Variants in ALK observed in about 807,000 individuals in gnomAD.
ALK encodes the protein ALK receptor tyrosine kinase.
ALK carries 74 observed loss-of-function variants against 163.1 expected under a neutral mutation model. That is an observed-to-expected ratio of 0.45 (90% CI 0.38 to 0.55). The LOEUF (loss-of-function observed/expected upper bound fraction) is 0.55, where lower values mean the gene tolerates loss of function less well. Among genes scored for constraint, ALK ranks in the 20% least tolerant of loss-of-function variants. ALK has a pLI of 0.00. For missense variants in ALK, 2,063 were observed against 2,105.3 expected (o/e 0.98, Z 0.39); for synonymous variants, 960 against 843.2 (o/e 1.14, Z -2.40).
intron 5 of ALK, among the ~76,000 whole-genome samples, chr2:29,348,821 A>G (rs1434795616): frequency 6.6e-6 from 1 of 152,166 alleles, no homozygotes; most frequent in Non-Finnish European, 1.5e-5. Flanking sequence ...TCCTAATTCA[A>G]TGCTCTATTA....
At position 29,322,929 on chromosome 2, in the gene ALK, G is replaced by A. The variant is rs189471761; in HGVS notation, c.1415-2047C>T. 3.3e-5 allele frequency among the ~76,000 whole-genome samples: 5 copies of A among 152,322 alleles called. No homozygotes were observed. The East Asian group carries it at 9.7e-4, about 29-fold the overall frequency. ...GATTCCTGGAGGAAGGAGGAGGCCGGCCTGAGGTGGGAGATGCACAGTACG... is the reference window on the plus strand; with the variant it reads ...GATTCCTGGAGGAAGGAGGAGGCCGACCTGAGGTGGGAGATGCACAGTACG... On this transcript the variant is annotated intron_variant, in intron 6 of 28. Transcript: ENST00000389048.
Position 29,410,107 on chromosome 2 carries a change from A to AT in ALK, c.1155-26249dup, listed in dbSNP as rs1165606418. Among the ~76,000 whole-genome samples the AT allele has an allele frequency of 3.9e-5, 6 of 152,108 alleles. No individual in the cohort carries two copies. In the East Asian group the frequency reaches 7.7e-4, roughly 20 times the overall value. ...CATCCAAGAGCTGCATCTTTAGGTGATTTTGTCGTCATGGGAACCTCATAG... is the reference window on the plus strand; with the variant it reads ...CATCCAAGAGCTGCATCTTTAGGTGATTTTTGTCGTCATGGGAACCTCATAG... On this transcript the variant is annotated intron_variant, in intron 4 of 28. Coordinates refer to ENST00000389048, the MANE Select transcript of ALK (RefSeq NM_004304.5).
At chr2:29,826,536 C>A (rs1665206690) in intron 1 of ALK, among the ~76,000 whole-genome samples, 1 of 151,994 alleles carries the variant, frequency 6.6e-6, no homozygotes, top group Non-Finnish European at 1.5e-5. Flanking sequence ...TTCACATACT[C>A]AGTCAGTCTT....
intron 1 of ALK, among the ~76,000 whole-genome samples, chr2:29,767,477 G>T (rs1374254024): frequency 6.6e-6 from 1 of 152,188 alleles, no homozygotes. Context: ...CAGGATGGCT[G>T]GTCATCCTAT....
At chr2:29,632,581 C>A (rs1676409028) in intron 3 of ALK, among the ~76,000 whole-genome samples, 2 of 152,178 alleles carry the variant, frequency 1.3e-5, no homozygotes, top group African/African-American at 4.8e-5. Context: ...CCCCATTCCC[C>A]ACCATGTGAA....
chr2:29,262,300 G>C (rs1665108208), intron 11 of ALK, among the ~76,000 whole-genome samples: 1 of 152,202 alleles, frequency 6.6e-6, no homozygotes. Flanking sequence ...TGTTCTTCCA[G>C]CTTGTTTCTC....
At chr2:29,895,887 G>T (rs1667255586) in intron 1 of ALK, among the ~76,000 whole-genome samples, 1 of 152,112 alleles carries the variant, frequency 6.6e-6, no homozygotes, top group Non-Finnish European at 1.5e-5. Context: ...GAAGAAAGAG[G>T]GTAGGCTACA....
chr2:29,915,345 T>C (rs1383450652), intron 1 of ALK, among the ~76,000 whole-genome samples: 1 of 152,202 alleles, frequency 6.6e-6, no homozygotes, highest in East Asian at 1.9e-4. Context: ...GCAACTCTCC[T>C]GAGTAGCTGG....
intron 1 of ALK, among the ~76,000 whole-genome samples, chr2:29,806,904 A>C (rs1274312568): frequency 3.3e-5 from 5 of 152,366 alleles, no homozygotes; most frequent in Non-Finnish European, 7.3e-5. Context: ...GGAAAAGACC[A>C]CAGGTCTGTG....
Position 29,823,446 on chromosome 2 carries a change from G to A in ALK, c.667+96547C>T, listed in dbSNP as rs183538452. ...GTTTGGGGGGCTCAGAATAAGACAG[G>A]AAAATGTGGGAAACTTTGGAACTCC... On this transcript the variant is annotated intron_variant, in intron 1 of 28. Transcript: ENST00000389048. Among the ~76,000 whole-genome samples, 1,300 of 152,294 alleles carry A rather than the reference G, an allele frequency of 8.5e-3. 14 individuals carry two copies. The highest frequency in any genetic ancestry group is 0.026 in the African/African-American group (1,069 of 41,536).
intron 9 of ALK, among the ~76,000 whole-genome samples, chr2:29,276,852 G>C (rs1287267107): frequency 6.6e-6 from 1 of 152,132 alleles, no homozygotes; most frequent in African/African-American, 2.4e-5. Context: ...ATTGACCGCA[G>C]ACTAGCACCT....
rs114302291 is a variant in ALK, at chr2:29,351,766, G to T, written c.1283-23285C>A. ...CAGTTAACTCCATGGGAGGCTGGTG[G>T]TAGGGTGGGAGAGGCAGACCCAGAC... On this transcript the variant is annotated intron_variant, in intron 5 of 28. Coordinates refer to ENST00000389048, the MANE Select transcript of ALK (RefSeq NM_004304.5). Among the ~76,000 whole-genome samples the T allele has an allele frequency of 1.7e-3, 265 of 152,226 alleles. 2 individuals carry two copies. The highest frequency in any genetic ancestry group is 6.1e-3 in the African/African-American group (255 of 41,538).
At chr2:29,864,217 C>T (rs1207339127) in intron 1 of ALK, among the ~76,000 whole-genome samples, 2 of 152,176 alleles carry the variant, frequency 1.3e-5, no homozygotes, top group Non-Finnish European at 2.9e-5. Flanking sequence ...ACATACCCCT[C>T]CCTTTACTTG....
chr2:29,797,334 C>T (rs1664345493), intron 1 of ALK, among the ~76,000 whole-genome samples: 1 of 152,178 alleles, frequency 6.6e-6, no homozygotes, highest in South Asian at 2.1e-4. Context: ...TCACCTCCTG[C>T]TCCTATTCAT....
intron 4 of ALK, among the ~76,000 whole-genome samples, chr2:29,429,885 C>T (rs1670232661): frequency 6.6e-6 from 1 of 152,054 alleles, no homozygotes; most frequent in African/African-American, 2.4e-5. Flanking sequence ...CACACAGATC[C>T]ATGAAATAGA....
chr2:29,822,256 T>G (rs967259259), intron 1 of ALK, among the ~76,000 whole-genome samples: 12 of 152,172 alleles, frequency 7.9e-5, no homozygotes, highest in Non-Finnish European at 1.8e-4. Flanking sequence ...CAAAAGGCCT[T>G]GGCTCCCAAC....
Position 29,222,376 on chromosome 2 carries a change from T to C in ALK, c.3483A>G (p.Glu1161=). ...TLPEVCSEQD[E]LDFLMEALII... is the part of the protein sequence containing the mutation. ...TCAGGGCTTCCATGAGGAAATCCAG[T>C]TCGTCCTGTTCAGAGCACACTTCAG... The change falls in exon 22 of 29, where the codon GAA becomes GAG. Residue 1161 remains glutamate (E), a synonymous_variant. Coordinates refer to ENST00000389048, the MANE Select transcript of ALK (RefSeq NM_004304.5). 1 of 1,614,042 alleles carries C rather than the reference T, an allele frequency of 6.2e-7. No individual in the cohort carries two copies. Among genetic ancestry groups the C allele is most frequent in the Non-Finnish European group, 8.5e-7 (1 of 1,180,000 alleles).
At chr2:29,571,354 C>G (rs932674741) in intron 3 of ALK, among the ~76,000 whole-genome samples, 1 of 152,168 alleles carries the variant, frequency 6.6e-6, no homozygotes, top group Non-Finnish European at 1.5e-5. Flanking sequence ...GCAATCCCCA[C>G]GTGTCAAGGG....
At chr2:29,581,320 G>C (rs1674683925) in intron 3 of ALK, among the ~76,000 whole-genome samples, 1 of 152,140 alleles carries the variant, frequency 6.6e-6, no homozygotes, top group Admixed American at 6.5e-5. Flanking sequence ...CCCGGGAGGT[G>C]GAGGTTGCAG....
Sources: gnomAD v4.1 joint callset for allele counts (sites outside exome capture counted in the v4.1 genomes callset) on GRCh38, gnomAD v4.1.1 for gene constraint, MANE v1.5 for transcripts, NCBI Gene and HGNC (gene_info 2026-07-23, HGNC 2026-07-21) for gene names.